The following RASAL3 variants were observed in gnomAD, a reference collection of about 807,000 sequenced individuals.
RASAL3 encodes the protein RAS protein activator like-3.
A neutral mutation model predicts 105.5 loss-of-function variants in RASAL3; 74 were observed. The observed-to-expected ratio is 0.70, with a 90% confidence interval of 0.58 to 0.85. RASAL3 has a LOEUF of 0.85. Among genes scored for constraint, RASAL3 ranks in the 40% least tolerant of loss-of-function variants. The pLI, the probability that RASAL3 is intolerant of heterozygous loss-of-function variation, is 0.00. For missense variants in RASAL3, 1,352 were observed against 1,392.0 expected (o/e 0.97, Z 0.46); for synonymous variants, 579 against 591.6 (o/e 0.98, Z 0.31).
chr19:15,452,758 G>A lies in RASAL3; in HGVS notation c.2728C>T (p.Arg910Cys). The change falls in exon 16 of 18, where the codon CGC becomes TGC. Residue 910 changes from arginine to cysteine, a missense_variant. Arg to Cys is a radical substitution (Grantham distance 180). This residue lies in a region of RASAL3 where 920 missense variants were observed against 919.6 expected (regional missense o/e 1.00). Coordinates refer to ENST00000343625, the MANE Select transcript of RASAL3 (RefSeq NM_022904.3). ...TGGGTGCTCAGCGACTCCACGAGGC[G>A]GGACAGCACTTTCTGCTCCTCACGC... is the stretch of plus-strand genomic sequence containing the variant. ...ALREEQKVLS[R>C]LVESLSTQIR... 3 of 1,562,566 alleles carry A rather than the reference G, an allele frequency of 1.9e-6. No homozygotes were observed. The Middle Eastern group carries it at 5.0e-4, about 261-fold the overall frequency.
rs1568322101 is a variant in RASAL3, at chr19:15,451,661, C to G, written c.*134G>C. On this transcript the variant is annotated 3_prime_UTR_variant, in exon 18 of 18. Transcript: ENST00000343625. ...CAAGATTTTACTGGGCAACTTCATA[C>G]TGCCAGAGTGGTTGGGACCAGCAGC... 9.7e-6 allele frequency: 9 copies of G among 924,976 alleles called. No individual in the cohort carries two copies. The highest frequency in any genetic ancestry group is 8.0e-6 in the Non-Finnish European group (5 of 626,596). 57.3% of individuals were successfully genotyped at this position (924,976 alleles called of 1,614,324 possible).
At chr19:15,454,923 A>G in intron 11 of RASAL3, 30 bp from the exon 12 acceptor site, 1 of 1,499,630 alleles carries the variant, frequency 6.7e-7, no homozygotes, top group Non-Finnish European at 9.0e-7. Context: ...GAATGGTCAG[A>G]CGGGGAGGCT....
At chr19:15,458,993 G>A (rs1272810268) in intron 6 of RASAL3, among the ~76,000 whole-genome samples, 1 of 151,940 alleles carries the variant, frequency 6.6e-6, no homozygotes, top group Non-Finnish European at 1.5e-5. Flanking sequence ...TGCGGTGGCT[G>A]GATCTCAGCT....
In RASAL3 at chr19:15,456,548, A is replaced by G; in HGVS notation, c.1530T>C (p.Asp510=). The change falls in exon 10 of 18, where the codon GAT becomes GAC. Residue 510 remains aspartate (D), a synonymous_variant. Coordinates refer to ENST00000343625, the MANE Select transcript of RASAL3 (RefSeq NM_022904.3). This position sits in a 1 kb window ranked among gnomAD's most constrained non-coding sequence, Gnocchi z 4.4. ...RENTLATKAI[D]EYMKLVAQDY... is the part of the protein sequence containing the mutation. ...CCTGTGCCACGAGCTTCATGTACTCATCGATAGCCTTGGTGGCCAATGTGT... is the reference window on the plus strand; with the variant it reads ...CCTGTGCCACGAGCTTCATGTACTCGTCGATAGCCTTGGTGGCCAATGTGT... 1 of 1,613,844 alleles carries G rather than the reference A, an allele frequency of 6.2e-7. No individual in the cohort carries two copies. Among genetic ancestry groups the G allele is most frequent in the Non-Finnish European group, 8.5e-7 (1 of 1,179,836 alleles).
Position 15,461,762 on chromosome 19 carries a change from G to A in RASAL3, c.329-155C>T, listed in dbSNP as rs568139848. Among the ~76,000 whole-genome samples, 194 of 152,202 alleles carry A rather than the reference G, an allele frequency of 1.3e-3. 2 individuals carry two copies. The highest frequency in any genetic ancestry group is 1.3e-3 in the Non-Finnish European group (90 of 68,010). On this transcript the variant is annotated intron_variant, in intron 2 of 17. Coordinates refer to ENST00000343625, the MANE Select transcript of RASAL3 (RefSeq NM_022904.3). Reference sequence around the variant, plus strand: ...GTATGACCTTGGGCAAGCTTTCATCGCTGTCTGGGCCTTGTCCCCACTAAC... The same window carrying A: ...GTATGACCTTGGGCAAGCTTTCATCACTGTCTGGGCCTTGTCCCCACTAAC...
Position 15,457,488 on chromosome 19 carries a change from C to T in RASAL3, c.1235G>A (p.Gly412Asp). 8.3e-7 allele frequency: 1 copy of T among 1,207,158 alleles called. No homozygotes were observed. 74.8% of individuals were successfully genotyped at this position (1,207,158 alleles called of 1,614,324 possible). The change falls in exon 9 of 18, where the codon GGC becomes GAC. Residue 412 changes from glycine (G) to aspartate (D), a missense_variant. By Grantham distance (94) the Gly-to-Asp change is moderately conservative. Coordinates refer to ENST00000343625, the MANE Select transcript of RASAL3 (RefSeq NM_022904.3). This position sits in a 1 kb window ranked among gnomAD's most constrained non-coding sequence, Gnocchi z 8.6. ...CCGAATCCGCGCCCGCAGCGCTGCG[C>T]CCGCCGGCGCCCCGAGCAGCGGGAA... ...RWFPLLGAPA[G>D]AALRARIRAR...
rs962606335 is a variant in RASAL3 at position 15,461,416 on chromosome 19, G to C, written c.465+55C>G. The C allele has an allele frequency of 3.3e-6, 5 of 1,530,348 alleles. 1 individual carries two copies. In the Admixed American group the frequency reaches 6.1e-5, roughly 19 times the overall value. The allele number at this position is 1,530,348 out of a possible 1,614,324, so 94.8% of individuals were successfully genotyped here. On this transcript the variant is annotated intron_variant, in intron 3 of 17. Coordinates refer to ENST00000343625, the MANE Select transcript of RASAL3 (RefSeq NM_022904.3). Reference sequence around the variant, plus strand: ...TCCCTCCAGCCCCTGCCTCTGTTCTGCCCTCCTCCTTTTTCTTTCTTCCCT... The same window carrying C: ...TCCCTCCAGCCCCTGCCTCTGTTCTCCCCTCCTCCTTTTTCTTTCTTCCCT...
At position 15,459,147 on chromosome 19, in the gene RASAL3, C is replaced by G. The variant is rs532139521; in HGVS notation, c.663-492G>C. On this transcript the variant is annotated intron_variant, in intron 6 of 17. Transcript: ENST00000343625. ...AGAGGTGGGGTTTCACCATGTTGGC[C>G]AGGCTGGTCTTGAACTCCTGATCCC... Among the ~76,000 whole-genome samples the G allele has an allele frequency of 2.6e-5, 4 of 151,850 alleles. No individual in the cohort carries two copies. In the East Asian group the frequency reaches 7.7e-4, roughly 29 times the overall value.
rs371535313 is a variant in RASAL3, at chr19:15,453,308, C to T, written c.2469G>A (p.Arg823=). 26 of 1,489,314 alleles carry T rather than the reference C, an allele frequency of 1.7e-5. No individual in the cohort carries two copies. Among genetic ancestry groups the T allele is most frequent in the African/African-American group, 7.1e-5 (5 of 70,782 alleles). 92.3% of individuals were successfully genotyped at this position (1,489,314 alleles called of 1,614,324 possible). The change falls in exon 15 of 18, where the codon CGG becomes CGA. Residue 823 remains arginine, a synonymous_variant. Coordinates refer to ENST00000343625, the MANE Select transcript of RASAL3 (RefSeq NM_022904.3). This position sits in a 1 kb window ranked among gnomAD's most constrained non-coding sequence, Gnocchi z 4.2. The part of the protein sequence containing the change: ...PVQRTQSVPV[R]RPARRRQSAG... ...CAGATTGGCGGCGGCGGGCAGGACGCCGGACCGGGACACTCTGCGTGCGCT... is the reference window on the plus strand; with the variant it reads ...CAGATTGGCGGCGGCGGGCAGGACGTCGGACCGGGACACTCTGCGTGCGCT...
Position 15,460,746 on chromosome 19 carries a change from G to C in RASAL3, c.606+314C>G, listed in dbSNP as rs528207256. Among the ~76,000 whole-genome samples, 10 of 152,264 alleles carry C rather than the reference G, an allele frequency of 6.6e-5. No homozygotes were observed. The East Asian group carries it at 9.6e-4, about 15-fold the overall frequency. On this transcript the variant is annotated intron_variant, in intron 5 of 17. Transcript: ENST00000343625. Reference sequence around the variant, plus strand: ...ATACTATTCATTTATTTATTTAAGAGATGAAGTCTCCCCATGTTGCTTAGG... The same window carrying C: ...ATACTATTCATTTATTTATTTAAGACATGAAGTCTCCCCATGTTGCTTAGG...
At chr19:15,464,420 C>T (rs932183071) in intron 1 of RASAL3, 43 bp from the exon 2 acceptor site, 13 of 1,511,330 alleles carry the variant, frequency 8.6e-6, no homozygotes, top group East Asian at 2.3e-5. Context: ...TGTCTGTCCA[C>T]ATACTGCCCT....
At chr19:15,452,311 C>T (rs1970175765) in intron 16 of RASAL3, 1 of 622,474 alleles carries the variant, frequency 1.6e-6, no homozygotes, top group Non-Finnish European at 2.9e-6. Flanking sequence ...ATCAATCATC[C>T]CTTGGAGGTG....
chr19:15,457,095 GGCCCCGCCCTTCTAGGT>G lies in RASAL3; in HGVS notation c.1431+180_1431+196del, dbSNP rs1358290492. The stretch of plus-strand genomic sequence containing the variant: ...CCCCGCCCCTTACGGGTGATGTTCA[GGCCCCGCCCTTCTAGGT>G]GCCCCGCCCTTCTAGGTGCCCCGCC... On this transcript the variant is annotated intron_variant, in intron 9 of 17. Transcript: ENST00000343625. This position sits in a 1 kb window ranked among gnomAD's most constrained non-coding sequence, Gnocchi z 8.6. 9.2e-5 allele frequency among the ~76,000 whole-genome samples: 14 copies of G among 151,508 alleles called. No homozygotes were observed. The highest frequency in any genetic ancestry group is 2.1e-4 in the South Asian group (1 of 4,780).
At chr19:15,458,013 A>G (rs1970383100) in intron 8 of RASAL3, 179 bp from the exon 9 acceptor site, 2 of 727,906 alleles carry the variant, frequency 2.7e-6, no homozygotes, top group Non-Finnish European at 4.4e-6. Context: ...GAAGTCTTCT[A>G]GCTTTTCTGG....
In RASAL3 at chr19:15,453,280, C is replaced by A; in HGVS notation, c.2497G>T (p.Gly833Trp). 1.3e-6 allele frequency: 2 copies of A among 1,534,678 alleles called. No individual in the cohort carries two copies. Among genetic ancestry groups the A allele is most frequent in the East Asian group, 2.4e-5 (1 of 40,940 alleles). ...GAGCCTTTGGGTCGCGGCCAGGGCC[C>A]CGCAGATTGGCGGCGGCGGGCAGGA... ...RRPARRRQSA[G>W]PWPRPKGSLS... Residue 833 changes from glycine (G) to tryptophan (W), a missense_variant, in exon 15 of 18, where the codon GGG (glycine) becomes TGG (tryptophan). Physicochemically the swap from Gly to Trp is radical, Grantham distance 184. This residue lies in a region of RASAL3 where 920 missense variants were observed against 919.6 expected (regional missense o/e 1.00). Coordinates refer to ENST00000343625, the MANE Select transcript of RASAL3 (RefSeq NM_022904.3). The surrounding 1 kb of genome is among the most constrained non-coding windows in gnomAD (Gnocchi z 4.2).
chr19:15,452,700 A>G lies in RASAL3; in HGVS notation c.2786T>C (p.Leu929Pro). ...IRALTEQQEQLRGQLQDLDSR... is the reference protein window; with the variant it reads ...IRALTEQQEQPRGQLQDLDSR... ...GTCCAGATCCTGCAGCTGGCCCCGC[A>G]GCTGCTCCTGCTGCTCCGTCAAGGC... Residue 929 changes from leucine (L) to proline (P), a missense_variant, in exon 16 of 18, where the codon CTG (leucine) becomes CCG (proline). By Grantham distance (98) the Leu-to-Pro change is moderately conservative. This residue lies in a region of RASAL3 where 920 missense variants were observed against 919.6 expected (regional missense o/e 1.00). Coordinates refer to ENST00000343625, the MANE Select transcript of RASAL3 (RefSeq NM_022904.3). The G allele has an allele frequency of 6.4e-7, 1 of 1,552,596 alleles. No homozygotes were observed. The highest frequency in any genetic ancestry group is 8.7e-7 in the Non-Finnish European group (1 of 1,147,890).
In RASAL3 at chr19:15,454,766, T is replaced by C. The variant is rs574907372; in HGVS notation, c.1849A>G (p.Ile617Val). 1 of 1,605,092 alleles carries C rather than the reference T, an allele frequency of 6.2e-7. No homozygotes were observed. The highest frequency in any genetic ancestry group is 1.1e-5 in the South Asian group (1 of 89,798). The change falls in exon 12 of 18, where the codon ATC becomes GTC. Residue 617 changes from isoleucine to valine, a missense_variant. By Grantham distance (29) the Ile-to-Val change is conservative. Around this residue, in one of 3 missense-constraint regions of RASAL3, gnomAD observed 920 missense variants for 919.6 expected, o/e 1.00. Coordinates refer to ENST00000343625, the MANE Select transcript of RASAL3 (RefSeq NM_022904.3). Reference sequence around the variant, plus strand: ...AAACCAAAGAGGCTGGGTGCCAGGATGGCAGGGCACAGGAGCCGCAGGAAG... The same window carrying C: ...AAACCAAAGAGGCTGGGTGCCAGGACGGCAGGGCACAGGAGCCGCAGGAAG... ...SLFLRLLCPA[I>V]LAPSLFGLAP...
intron 2 of RASAL3, among the ~76,000 whole-genome samples, chr19:15,462,678 C>T (rs769243314): frequency 2.0e-5 from 3 of 152,092 alleles, no homozygotes; most frequent in Non-Finnish European, 4.4e-5. Context: ...TGGGGCCGGG[C>T]GCGGTGGCTC....
In RASAL3 at chr19:15,454,557, C is replaced by T; in HGVS notation, c.1964G>A (p.Gly655Asp). ...GAAGCCCATGTAGGCCTCCTTCTCA[C>T]CGAACCTGGATCAGGGCCAGGCTGG... ...IQNLANRAPF[G>D]EKEAYMGFMN... The change falls in exon 13 of 18, where the codon GGT (glycine) becomes GAT (aspartate). Residue 655 changes from glycine (G) to aspartate (D), a missense_variant. Physicochemically the swap from Gly to Asp is moderately conservative, Grantham distance 94 (BLOSUM62 -1). Transcript: ENST00000343625. 1 of 1,613,942 alleles carries T rather than the reference C, an allele frequency of 6.2e-7. No homozygotes were observed. The highest frequency in any genetic ancestry group is 1.1e-5 in the South Asian group (1 of 91,084).
Sources: allele counts gnomAD v4.1 joint callset (sites outside exome capture counted in the v4.1 genomes callset), GRCh38; gene constraint gnomAD v4.1.1; regional missense constraint gnomAD v4.1.1; non-coding constraint Gnocchi (gnomAD v3.1); transcripts MANE v1.5; gene names NCBI Gene and HGNC (gene_info 2026-07-23, HGNC 2026-07-21).